The following HS3ST3A1 variants were observed in gnomAD, a reference collection of about 807,000 sequenced individuals.
HS3ST3A1 encodes the protein heparan sulfate-glucosamine 3-sulfotransferase 3A1, also known as heparan sulfate glucosamine 3-O-sulfotransferase 3A1.
Under a neutral mutation model 25.7 loss-of-function variants are expected in HS3ST3A1, and 19 were observed. That is an observed-to-expected ratio of 0.74 (90% CI 0.52 to 1.08). The LOEUF is 1.08. HS3ST3A1 is among the 50% of genes least tolerant of loss of function. The pLI is 0.00. For missense variants in HS3ST3A1, 459 were observed against 594.3 expected (o/e 0.77, Z 2.37); for synonymous variants, 226 against 278.6 (o/e 0.81, Z 1.88).
intron 1 of HS3ST3A1, among the ~76,000 whole-genome samples, chr17:13,530,636 C>T (rs961413966): frequency 1.7e-5 from 2 of 117,826 alleles, no homozygotes; most frequent in African/African-American, 5.0e-5. Flanking sequence ...CTCAAAGTTA[C>T]CTCCCTTTGT....
chr17:13,543,937 T>A lies in HS3ST3A1; in HGVS notation c.600-47119A>T, dbSNP rs1249254667. Among the ~76,000 whole-genome samples the A allele has an allele frequency of 1.1e-4, 16 of 152,274 alleles. No homozygotes were observed. In the East Asian group the frequency reaches 2.5e-3, roughly 24 times the overall value. On this transcript the variant is annotated intron_variant, in intron 1 of 1. Coordinates refer to ENST00000284110, the MANE Select transcript of HS3ST3A1 (RefSeq NM_006042.3). Reference sequence around the variant, plus strand: ...TCATCAAGGGTTACCACTAAGTAGCTCATTATCTTGGGCAAGTTGCCCAAA... The same window carrying A: ...TCATCAAGGGTTACCACTAAGTAGCACATTATCTTGGGCAAGTTGCCCAAA...
At chr17:13,529,703 A>C (rs1187286918) in intron 1 of HS3ST3A1, among the ~76,000 whole-genome samples, 1 of 152,190 alleles carries the variant, frequency 6.6e-6, no homozygotes, top group Non-Finnish European at 1.5e-5. Flanking sequence ...GCTCTCAAGA[A>C]AGATATGGAA....
At chr17:13,523,244 T>A (rs1295927341) in intron 1 of HS3ST3A1, among the ~76,000 whole-genome samples, 1 of 152,046 alleles carries the variant, frequency 6.6e-6, no homozygotes, top group Non-Finnish European at 1.5e-5. Flanking sequence ...GAACTGGCCA[T>A]ATAGTTGTGT....
chr17:13,529,032 C>G (rs759285234), intron 1 of HS3ST3A1, among the ~76,000 whole-genome samples: 1 of 152,038 alleles, frequency 6.6e-6, no homozygotes, highest in African/African-American at 2.4e-5. Context: ...GGTTTGTAGA[C>G]TCTGATAAAG....
At chr17:13,513,868 A>G (rs564522492) in intron 1 of HS3ST3A1, among the ~76,000 whole-genome samples, 13 of 152,270 alleles carry the variant, frequency 8.5e-5, no homozygotes, top group African/African-American at 2.9e-4. Context: ...TAAAACTTCT[A>G]TGAAGGTATT....
chr17:13,563,376 G>GGTT (rs540988271), intron 1 of HS3ST3A1, among the ~76,000 whole-genome samples: 13 of 152,212 alleles, frequency 8.5e-5, no homozygotes, highest in African/African-American at 2.9e-4. Flanking sequence ...AGGGTCTGTG[G>GGTT]GTTGTTTGCT....
chr17:13,534,547 CAAAAAA>C (rs34383911), intron 1 of HS3ST3A1, among the ~76,000 whole-genome samples: 32 of 32,822 alleles, frequency 9.7e-4, no homozygotes, highest in Non-Finnish European at 1.6e-3. Context: ...CTACAAAATC[CAAAAAA>C]AAAAAAAAAA....
At chr17:13,545,964 G>A (rs578210969) in intron 1 of HS3ST3A1, among the ~76,000 whole-genome samples, 4 of 152,070 alleles carry the variant, frequency 2.6e-5, no homozygotes, top group Non-Finnish European at 2.9e-5. Flanking sequence ...GTGACAGAGC[G>A]AGTCTCCTTC....
intron 1 of HS3ST3A1, among the ~76,000 whole-genome samples, chr17:13,545,925 C>T (rs1384700005): frequency 2.0e-5 from 3 of 151,974 alleles, no homozygotes; most frequent in Admixed American, 6.6e-5. Context: ...TGCGGTGAAC[C>T]GAGATTGTGT....
At chr17:13,528,566 C>G (rs1264213613) in intron 1 of HS3ST3A1, among the ~76,000 whole-genome samples, 2 of 152,178 alleles carry the variant, frequency 1.3e-5, no homozygotes, top group Non-Finnish European at 2.9e-5. Context: ...TCTACCCAAT[C>G]CAACTTCCCT....
intron 1 of HS3ST3A1, among the ~76,000 whole-genome samples, chr17:13,518,068 G>T (rs1906111796): frequency 6.6e-6 from 1 of 152,060 alleles, no homozygotes; most frequent in African/African-American, 2.4e-5. Context: ...AAAAATGGAG[G>T]CATATTCAGA....
At chr17:13,511,493 T>C (rs1218508790) in intron 1 of HS3ST3A1, among the ~76,000 whole-genome samples, 1 of 152,088 alleles carries the variant, frequency 6.6e-6, no homozygotes, top group Non-Finnish European at 1.5e-5. Flanking sequence ...TATCATTTCC[T>C]GGTATTACTG....
At chr17:13,574,323 C>T (rs919162337) in intron 1 of HS3ST3A1, among the ~76,000 whole-genome samples, 10 of 151,598 alleles carry the variant, frequency 6.6e-5, no homozygotes, top group Middle Eastern at 3.4e-3. Context: ...TTAGTAGAGA[C>T]GGGTTTTCAC....
intron 1 of HS3ST3A1, among the ~76,000 whole-genome samples, chr17:13,517,580 C>A (rs910884278): frequency 4.6e-5 from 7 of 152,106 alleles, no homozygotes; most frequent in African/African-American, 1.7e-4. Context: ...ATTCTGTAAA[C>A]TTGAGATATT....
At chr17:13,529,727 G>T (rs1014826371) in intron 1 of HS3ST3A1, among the ~76,000 whole-genome samples, 10 of 152,258 alleles carry the variant, frequency 6.6e-5, no homozygotes, top group Admixed American at 2.6e-4. Context: ...ACACTACAGG[G>T]AAAACATTTT....
intron 1 of HS3ST3A1, among the ~76,000 whole-genome samples, chr17:13,512,156 G>A (rs973988453): frequency 5.9e-5 from 9 of 151,830 alleles, no homozygotes; most frequent in East Asian, 3.9e-4. Flanking sequence ...AAAATTAGCC[G>A]GGCGCGGTGG....
intron 1 of HS3ST3A1, among the ~76,000 whole-genome samples, chr17:13,592,374 C>G (rs1052680622): frequency 6.6e-6 from 1 of 152,186 alleles, no homozygotes; most frequent in South Asian, 2.1e-4. Context: ...GTAGCCTCAA[C>G]AAATACAGTT....
Position 13,600,512 on chromosome 17 carries a change from C to A in HS3ST3A1, c.599+19G>T. The stretch of plus-strand genomic sequence containing the variant: ...GACCCCCGGATCCTTCAGCCCCAGC[C>A]CGGGCCCGCCCCGCTCACCGGTACC... On this transcript the variant is annotated intron_variant, in intron 1 of 1. Transcript: ENST00000284110. The A allele has an allele frequency of 6.3e-7, 1 of 1,574,878 alleles. No individual in the cohort carries two copies. Among genetic ancestry groups the A allele is most frequent in the Non-Finnish European group, 8.6e-7 (1 of 1,167,486 alleles).
At chr17:13,521,281 T>C (rs1906228630) in intron 1 of HS3ST3A1, among the ~76,000 whole-genome samples, 1 of 152,246 alleles carries the variant, frequency 6.6e-6, no homozygotes, top group South Asian at 2.1e-4. Context: ...GTAGGCAGGA[T>C]GTTCTCTGCT....
Sources: allele counts gnomAD v4.1 joint callset (sites outside exome capture counted in the v4.1 genomes callset), GRCh38; gene constraint gnomAD v4.1.1; transcripts MANE v1.5; gene names NCBI Gene and HGNC (gene_info 2026-07-23, HGNC 2026-07-21).